Variants in USP28 observed in about 807,000 individuals in gnomAD.
USP28 encodes the protein ubiquitin carboxyl-terminal hydrolase 28.
A neutral mutation model predicts 145.0 loss-of-function variants in USP28; 113 were observed. The observed-to-expected ratio is 0.78, with a 90% CI of 0.67 to 0.91. The LOEUF (loss-of-function observed/expected upper bound fraction) is 0.91, where lower values mean the gene tolerates loss of function less well. Ranked by LOEUF, USP28 falls within the 40% of genes least tolerant of loss-of-function variation. USP28 has a pLI of 0.00. For synonymous variants in USP28, 447 were observed against 450.9 expected, an observed-to-expected ratio of 0.99 and a Z score of 0.11; for missense variants, 1,201 against 1,289.6, an observed-to-expected ratio of 0.93 and a Z score of 1.05.
intron 1 of USP28, among the ~76,000 whole-genome samples, chr11:113,867,771 T>A (rs907378571): frequency 9.5e-6 from 1 of 105,012 alleles, no homozygotes; most frequent in South Asian, 3.4e-4. Flanking sequence ...GAAACCTGTA[T>A]ACACATCCCC....
At chr11:113,804,727 A>C (rs1487368909) in exon 21 of USP28, 1 of 1,614,218 alleles carries the variant, frequency 6.2e-7, no homozygotes, top group Non-Finnish European at 8.5e-7. Context: ...GTTTCGCTTG[A>C]GCCACCTTCA....
intron 1 of USP28, among the ~76,000 whole-genome samples, chr11:113,854,641 C>A (rs1286245356): frequency 1.3e-5 from 2 of 152,178 alleles, no homozygotes; most frequent in Non-Finnish European, 2.9e-5. Flanking sequence ...ACCTCGTGAT[C>A]CACCCGCCTA....
Position 113,800,765 on chromosome 11 carries a change from T to C in USP28, c.3058+718A>G, listed in dbSNP as rs556187283. On this transcript the variant is annotated intron_variant, in intron 24 of 24. Transcript: ENST00000003302. ...CCACTAATTAATCTTGAAGTCATCA[T>C]AGTTAATATGCTATATAACTTCAAG... Among the ~76,000 whole-genome samples, 7 of 152,130 alleles carry C rather than the reference T, an allele frequency of 4.6e-5. No homozygotes were observed. In the South Asian group the frequency reaches 1.2e-3, roughly 27 times the overall value.
At chr11:113,821,735 C>A in intron 12 of USP28, 1 of 198,370 alleles carries the variant, frequency 5.0e-6, no homozygotes, top group South Asian at 9.6e-5. Context: ...ACTTGGGTGT[C>A]TTGCTAGGGG....
chr11:113,827,115 A>T lies in USP28; in HGVS notation c.1187+118T>A, dbSNP rs1423153354. On this transcript the variant is annotated intron_variant, in intron 11 of 24. Coordinates refer to ENST00000003302, the Ensembl canonical transcript of USP28. ...AAGACCCTCAACCTAGACTCATAGAATCCAAATTTGCATATTATCATGTCT... is the reference window on the plus strand; with the variant it reads ...AAGACCCTCAACCTAGACTCATAGATTCCAAATTTGCATATTATCATGTCT... 4 of 1,290,374 alleles carry T rather than the reference A, an allele frequency of 3.1e-6. No homozygotes were observed. The Admixed American group carries it at 7.7e-5, about 25-fold the overall frequency. The allele number at this position is 1,290,374 out of a possible 1,614,324, so 79.9% of individuals were successfully genotyped here. A position where few individuals can be genotyped will look rare whatever the true frequency, so the allele number is the denominator to read the frequency against.
chr11:113,843,737 CTG>C (rs1945491762), intron 3 of USP28, among the ~76,000 whole-genome samples: 1 of 145,400 alleles, frequency 6.9e-6, no homozygotes. Context: ...TATTACAAAA[CTG>C]TAGTAATCAA....
chr11:113,831,606 T>G (rs912669510), intron 8 of USP28, among the ~76,000 whole-genome samples: 7 of 152,180 alleles, frequency 4.6e-5, no homozygotes, highest in Non-Finnish European at 8.8e-5. Context: ...TATACCATCA[T>G]GTTCACAACA....
chr11:113,842,510 G>A (rs889234918), intron 3 of USP28, among the ~76,000 whole-genome samples: 11 of 151,716 alleles, frequency 7.3e-5, no homozygotes, highest in Non-Finnish European at 1.0e-4. Flanking sequence ...GCGTAAACCC[G>A]GGAGGTGGAG....
intron 19 of USP28, among the ~76,000 whole-genome samples, chr11:113,805,393 C>A (rs887870174): frequency 6.6e-6 from 1 of 151,730 alleles, no homozygotes; most frequent in Non-Finnish European, 1.5e-5. Context: ...GTAGCTGGGA[C>A]TACAGGCATA....
At chr11:113,871,346 TAAGGAG>T (rs1433739364) in intron 1 of USP28, among the ~76,000 whole-genome samples, 1 of 152,130 alleles carries the variant, frequency 6.6e-6, no homozygotes, top group Admixed American at 6.6e-5. Flanking sequence ...AGACTAGGAC[TAAGGAG>T]AAGGGACATA....
exon 11 of USP28, chr11:113,827,294 G>C: frequency 6.2e-7 from 1 of 1,613,166 alleles, no homozygotes; most frequent in Non-Finnish European, 8.5e-7. Context: ...GGCTGCCCAA[G>C]GGACTGATTA....
chr11:113,825,340 C>G (rs1222974490), intron 11 of USP28, among the ~76,000 whole-genome samples: 1 of 152,030 alleles, frequency 6.6e-6, no homozygotes, highest in Non-Finnish European at 1.5e-5. Context: ...AAATTAGAAA[C>G]ACTTATAATT....
intron 16 of USP28, among the ~76,000 whole-genome samples, chr11:113,809,651 T>C (rs1314419327): frequency 6.6e-6 from 1 of 152,216 alleles, no homozygotes; most frequent in Non-Finnish European, 1.5e-5. Flanking sequence ...GTATGGACAA[T>C]GTAAGGGCAA....
intron 14 of USP28, 64 bp from the exon 15 acceptor site, chr11:113,814,019 C>T: frequency 8.0e-7 from 1 of 1,250,762 alleles, no homozygotes; most frequent in Non-Finnish European, 1.1e-6. Flanking sequence ...ACACAGGCTA[C>T]TTTAACTAAG....
chr11:113,836,028 A>C (rs978931597), intron 5 of USP28, among the ~76,000 whole-genome samples: 4 of 152,194 alleles, frequency 2.6e-5, no homozygotes, highest in Non-Finnish European at 5.9e-5. Context: ...CCGTGAGCCG[A>C]GATCGCACCA....
chr11:113,854,131 T>C lies in USP28; in HGVS notation c.135+127A>G, dbSNP rs190978915. ...CATGTTGAAGACATTGGGTCAGTCATTTGACCTGTAGAGCTTCTGTCCCTA... is the reference window on the plus strand; with the variant it reads ...CATGTTGAAGACATTGGGTCAGTCACTTGACCTGTAGAGCTTCTGTCCCTA... On this transcript the variant is annotated intron_variant, in intron 2 of 24. Transcript: ENST00000003302. 16 of 820,596 alleles carry C rather than the reference T, an allele frequency of 1.9e-5. 1 individual carries two copies. The Admixed American group carries it at 3.4e-4, about 18-fold the overall frequency. The allele number at this position is 820,596 out of a possible 1,614,324, so 50.8% of individuals were successfully genotyped here.
At chr11:113,812,406 G>C in exon 16 of USP28, 1 of 1,614,026 alleles carries the variant, frequency 6.2e-7, no homozygotes, top group Non-Finnish European at 8.5e-7. Context: ...CATTGTACTT[G>C]AGCCAGCTCT....
At chr11:113,802,844 A>T (rs188042430) in intron 23 of USP28, among the ~76,000 whole-genome samples, 19 of 152,326 alleles carry the variant, frequency 1.2e-4, no homozygotes, top group African/African-American at 4.1e-4. Context: ...TGAGAAAAGG[A>T]TCTGAGCTCA....
chr11:113,817,802 G>A lies in USP28; in HGVS notation c.1319C>T (p.Pro440Leu), dbSNP rs751964420. 2.5e-5 allele frequency: 41 copies of A among 1,614,048 alleles called. No homozygotes were observed. Among genetic ancestry groups the A allele is most frequent in the South Asian group, 1.5e-4 (14 of 91,090 alleles). The change falls in exon 13 of 25, where the codon CCG (proline) becomes CTG (leucine). Residue 440 changes from proline (P) to leucine (L), a missense_variant. By Grantham distance (98) the Pro-to-Leu change is moderately conservative. Coordinates refer to ENST00000003302, the Ensembl canonical transcript of USP28. Reference sequence around the variant, plus strand: ...AACATATTTCAGCATGTCCGGGAGCGGGAACCGAGCTGGGCCTGAGCCATA... The same window carrying A: ...AACATATTTCAGCATGTCCGGGAGCAGGAACCGAGCTGGGCCTGAGCCATA...
Sources: allele counts gnomAD v4.1 joint callset (sites outside exome capture counted in the v4.1 genomes callset), GRCh38; gene constraint gnomAD v4.1.1; transcripts MANE v1.5; gene names NCBI Gene and HGNC (gene_info 2026-07-23, HGNC 2026-07-21).